Variants in PVT1 observed in about 807,000 individuals in gnomAD.
The protein encoded by PVT1 is CXCR4/PVT1 fusion.
chr8:127,844,697 T>G (rs1053284653), intron 2 of PVT1, among the ~76,000 whole-genome samples: 24 of 150,740 alleles, frequency 1.6e-4, no homozygotes, highest in African/African-American at 6.0e-4. Context: ...GGTGTGTTTT[T>G]TTTTTGTTTT....
chr8:127,932,958 A>T (rs1170267172), intron 3 of PVT1, among the ~76,000 whole-genome samples: 2 of 152,232 alleles, frequency 1.3e-5, no homozygotes, highest in Middle Eastern at 3.2e-3. Context: ...TTTGGATCTT[A>T]GCAGTTCTTT....
chr8:127,806,389 A>C (rs1814529697), intron 2 of PVT1, among the ~76,000 whole-genome samples: 1 of 151,902 alleles, frequency 6.6e-6, no homozygotes, highest in African/African-American at 2.4e-5. Context: ...TGAACCTGGG[A>C]GGCATAGGTT....
chr8:127,888,486 C>T (rs1275493126), intron 2 of PVT1, among the ~76,000 whole-genome samples: 1 of 152,190 alleles, frequency 6.6e-6, no homozygotes, highest in African/African-American at 2.4e-5. Flanking sequence ...ATCCCTAGAA[C>T]CTGCGAATAT....
intron 2 of PVT1, among the ~76,000 whole-genome samples, chr8:127,822,126 G>T (rs1213245022): frequency 3.9e-5 from 6 of 152,232 alleles, no homozygotes. Flanking sequence ...ATGAATTAGT[G>T]CATATAAAGT....
At chr8:128,079,970 C>T (rs991515520) in intron 5 of PVT1, among the ~76,000 whole-genome samples, 1 of 152,104 alleles carries the variant, frequency 6.6e-6, no homozygotes, top group Non-Finnish European at 1.5e-5. Context: ...GTAATCCGCC[C>T]GCCTCGGCCT....
chr8:128,077,257 C>T (rs75441073), intron 5 of PVT1, among the ~76,000 whole-genome samples: 2,001 of 152,230 alleles, frequency 0.013, 43 homozygotes, highest in African/African-American at 0.045. Context: ...TTTGCCCCTA[C>T]TGTGAGTTTC....
chr8:127,956,049 A>T (rs1816565616), intron 3 of PVT1, among the ~76,000 whole-genome samples: 1 of 152,262 alleles, frequency 6.6e-6, no homozygotes, highest in Non-Finnish European at 1.5e-5. Context: ...TGACAGAGAT[A>T]GCCTGGGTTA....
At chr8:128,040,829 TTGTG>T (rs1353802453) in intron 4 of PVT1, among the ~76,000 whole-genome samples, 1 of 151,660 alleles carries the variant, frequency 6.6e-6, no homozygotes, top group Non-Finnish European at 1.5e-5. Flanking sequence ...GCTTGTGTGT[TTGTG>T]TATGTACATT....
chr8:127,954,090 T>C (rs1261489266), intron 3 of PVT1, among the ~76,000 whole-genome samples: 1 of 152,170 alleles, frequency 6.6e-6, no homozygotes, highest in Non-Finnish European at 1.5e-5. Flanking sequence ...TTGACATTGC[T>C]CCAAGAAAAA....
At chr8:128,040,814 T>C (rs568523000) in intron 4 of PVT1, among the ~76,000 whole-genome samples, 1 of 151,456 alleles carries the variant, frequency 6.6e-6, no homozygotes, top group Admixed American at 6.6e-5. Flanking sequence ...CTGTGTGTTG[T>C]TTGTGCTTGT....
intron 4 of PVT1, among the ~76,000 whole-genome samples, chr8:128,000,492 A>G (rs1563662022): frequency 6.6e-6 from 1 of 152,298 alleles, no homozygotes; most frequent in East Asian, 1.9e-4. Context: ...TGTTTTGACT[A>G]TGGTCCTTGT....
chr8:128,021,565 T>A (rs2130054955), intron 4 of PVT1, among the ~76,000 whole-genome samples: 1 of 152,202 alleles, frequency 6.6e-6, no homozygotes, highest in Middle Eastern at 3.4e-3. Context: ...AGTGCTGGGA[T>A]TACAGGCGTG....
chr8:128,069,297 T>C (rs552644781), intron 4 of PVT1, among the ~76,000 whole-genome samples: 1 of 152,336 alleles, frequency 6.6e-6, no homozygotes, highest in South Asian at 2.1e-4. Context: ...TCTTTTTTTA[T>C]AGCTTGTCTT....
chr8:127,817,521 CTAT>C (rs1814678063), intron 2 of PVT1, among the ~76,000 whole-genome samples: 1 of 47,116 alleles, frequency 2.1e-5, no homozygotes, highest in African/African-American at 1.0e-4. Flanking sequence ...ATAGATATAT[CTAT>C]TTAAATATAT....
At chr8:127,795,309 G>A (rs1814381181) in intron 1 of PVT1, among the ~76,000 whole-genome samples, 1 of 152,176 alleles carries the variant, frequency 6.6e-6, no homozygotes, top group African/African-American at 2.4e-5. Flanking sequence ...GCCTTCTCTT[G>A]CTAACGTGCT....
At chr8:127,970,289 G>GATTTTTTTTTTTT (rs1816748681) in intron 3 of PVT1, among the ~76,000 whole-genome samples, 1 of 49,116 alleles carries the variant, frequency 2.0e-5, no homozygotes, top group Non-Finnish European at 3.6e-5. Context: ...GCCATGATTT[G>GATTTTTTTTTTTT]TTTTTTTTTT....
chr8:127,884,169 C>G (rs751588831), intron 2 of PVT1, among the ~76,000 whole-genome samples: 7 of 152,174 alleles, frequency 4.6e-5, no homozygotes, highest in Non-Finnish European at 1.0e-4. Flanking sequence ...CTCAGGAGAA[C>G]TTTGTCCTGA....
chr8:127,817,281 C>G (rs1185415398), intron 2 of PVT1, among the ~76,000 whole-genome samples: 1 of 151,208 alleles, frequency 6.6e-6, no homozygotes, highest in East Asian at 2.0e-4. Context: ...CATTTTATTA[C>G]TTAGTTCATT....
chr8:127,855,147 T>C (rs1000764129), intron 2 of PVT1: 12 of 398,618 alleles, frequency 3.0e-5, no homozygotes, highest in Non-Finnish European at 5.3e-5. Flanking sequence ...GCTGGAATCT[T>C]CCCTAAGGAC....
Sources: allele counts gnomAD v4.1 joint callset (sites outside exome capture counted in the v4.1 genomes callset), GRCh38; gene constraint gnomAD v4.1.1; transcripts MANE v1.5; gene names NCBI Gene and HGNC (gene_info 2026-07-23, HGNC 2026-07-21).